CA10: variants seen among roughly 807,000 people sequenced by gnomAD.
CA10 encodes carbonic anhydrase 10 (inactive), also known as carbonic anhydrase-related protein 10.
A neutral mutation model predicts 44.2 loss-of-function variants in CA10; 14 were observed. That is an observed-to-expected ratio of 0.32 (90% CI 0.21 to 0.50). The LOEUF is 0.50. CA10 is among the 20% of genes least tolerant of loss of function. The pLI is 0.99. For missense variants in CA10, 350 were observed against 409.7 expected (o/e 0.85, Z 1.26); for synonymous variants, 159 against 141.6 (o/e 1.12, Z -0.87).
At chr17:51,927,838 G>C (rs1982493348) in intron 3 of CA10, among the ~76,000 whole-genome samples, 1 of 152,100 alleles carries the variant, frequency 6.6e-6, no homozygotes, top group Non-Finnish European at 1.5e-5. Flanking sequence ...AAACCACAAA[G>C]AATTATCTCC....
chr17:51,639,007 G>C (rs1912959189), intron 6 of CA10, among the ~76,000 whole-genome samples: 1 of 152,092 alleles, frequency 6.6e-6, no homozygotes, highest in Admixed American at 6.6e-5. Context: ...TGGCTGGTGG[G>C]GTCAGCACAG....
chr17:52,051,967 C>G (rs568032991), intron 2 of CA10, among the ~76,000 whole-genome samples: 1 of 152,074 alleles, frequency 6.6e-6, no homozygotes, highest in South Asian at 2.1e-4. Context: ...AACAAGATCA[C>G]GTCCTTTGCA....
intron 3 of CA10, among the ~76,000 whole-genome samples, chr17:51,759,647 G>T (rs1905167318): frequency 6.6e-6 from 1 of 151,926 alleles, no homozygotes. Context: ...TGGGTACCTG[G>T]TCCAAGCTCC....
At chr17:51,843,255 A>C (rs1355685501) in intron 3 of CA10, among the ~76,000 whole-genome samples, 1 of 152,204 alleles carries the variant, frequency 6.6e-6, no homozygotes, top group Non-Finnish European at 1.5e-5. Context: ...GCCATTCTCT[A>C]AAGAAAGGTA....
At chr17:51,720,720 C>T (rs574526796) in intron 4 of CA10, among the ~76,000 whole-genome samples, 26 of 152,110 alleles carry the variant, frequency 1.7e-4, no homozygotes, top group East Asian at 1.5e-3. Flanking sequence ...AAGTCAGTGT[C>T]ATAGAAACAG....
At chr17:52,120,945 T>C (rs551250839) in intron 1 of CA10, among the ~76,000 whole-genome samples, 76 of 152,338 alleles carry the variant, frequency 5.0e-4, no homozygotes, top group African/African-American at 1.8e-3. Context: ...TTAGCTGAAC[T>C]AAGGAGGAAA....
At chr17:51,892,890 C>T (rs142049994) in intron 3 of CA10, among the ~76,000 whole-genome samples, 11 of 152,218 alleles carry the variant, frequency 7.2e-5, no homozygotes, top group African/African-American at 1.9e-4. Context: ...ACTGGAACAA[C>T]GCTAGCAGCT....
intron 4 of CA10, among the ~76,000 whole-genome samples, chr17:51,722,250 C>T (rs930876967): frequency 3.9e-5 from 6 of 151,976 alleles, no homozygotes; most frequent in East Asian, 1.9e-4. Context: ...TCTAATGCAC[C>T]GAGAGTGACT....
intron 2 of CA10, among the ~76,000 whole-genome samples, chr17:51,987,593 C>T (rs1158619169): frequency 6.6e-6 from 1 of 151,496 alleles, no homozygotes; most frequent in African/African-American, 2.4e-5. Flanking sequence ...CTTAATAATC[C>T]ATTCAACAAA....
chr17:52,045,722 G>A (rs758878020), intron 2 of CA10, among the ~76,000 whole-genome samples: 21 of 151,862 alleles, frequency 1.4e-4, no homozygotes, highest in African/African-American at 4.1e-4. Flanking sequence ...GTTAATGTAC[G>A]GAAGACTTGA....
At chr17:51,830,039 A>G (rs1908174662) in intron 3 of CA10, among the ~76,000 whole-genome samples, 2 of 152,030 alleles carry the variant, frequency 1.3e-5, no homozygotes, top group African/African-American at 4.8e-5. Flanking sequence ...TCTACTAAAA[A>G]TACAAAAATT....
intron 3 of CA10, chr17:51,761,630 A>G (rs924056697): frequency 3.9e-5 from 6 of 152,168 alleles, no homozygotes; most frequent in Non-Finnish European, 7.3e-5. Context: ...TTGAAGGTCA[A>G]TCATTTATTC....
chr17:52,130,618 A>C (rs758462192), intron 1 of CA10, among the ~76,000 whole-genome samples: 1 of 152,216 alleles, frequency 6.6e-6, no homozygotes, highest in Non-Finnish European at 1.5e-5. Context: ...GAAGCAGAGA[A>C]TAGAATGGTG....
chr17:51,717,697 G>A (rs1178824510), intron 4 of CA10, among the ~76,000 whole-genome samples: 615 of 54,838 alleles, frequency 0.011, 87 homozygotes, highest in East Asian at 0.016. Context: ...ATACATATAT[G>A]CATGTATATA....
chr17:51,794,654 T>G (rs1906641549), intron 3 of CA10, among the ~76,000 whole-genome samples: 1 of 152,222 alleles, frequency 6.6e-6, no homozygotes, highest in African/African-American at 2.4e-5. Context: ...ATTTCCTTAT[T>G]CTTTCAACAA....
intron 3 of CA10, among the ~76,000 whole-genome samples, chr17:51,870,228 C>G (rs1262172375): frequency 6.6e-6 from 1 of 152,134 alleles, no homozygotes; most frequent in African/African-American, 2.4e-5. Context: ...GCAGCCCCTC[C>G]TAGGAGATTG....
At chr17:51,840,454 T>C (rs1978310043) in intron 3 of CA10, among the ~76,000 whole-genome samples, 1 of 150,462 alleles carries the variant, frequency 6.6e-6, no homozygotes, top group Admixed American at 6.7e-5. Flanking sequence ...GTACTTGAAC[T>C]CTGAACTCAA....
At chr17:51,643,860 C>T (rs1597958288) in intron 6 of CA10, among the ~76,000 whole-genome samples, 1 of 152,282 alleles carries the variant, frequency 6.6e-6, no homozygotes, top group South Asian at 2.1e-4. Flanking sequence ...TGACTCATTA[C>T]CTTGTTTGAT....
intron 2 of CA10, among the ~76,000 whole-genome samples, chr17:51,978,382 A>ATG (rs56108471): frequency 0.046 from 6,461 of 141,996 alleles, 156 homozygotes; most frequent in African/African-American, 0.089. Context: ...GTGTGTCTGT[A>ATG]TGTGTGTGTG....
Sources: allele counts gnomAD v4.1 joint callset (sites outside exome capture counted in the v4.1 genomes callset), GRCh38; gene constraint gnomAD v4.1.1; transcripts MANE v1.5; gene names NCBI Gene and HGNC (gene_info 2026-07-23, HGNC 2026-07-21).